ASH1L: variants seen among roughly 807,000 people sequenced by gnomAD.
ASH1L encodes the protein ASH1 like histone lysine methyltransferase.
In ASH1L, 23 loss-of-function variants were observed where a neutral mutation model predicts 269.0. The observed-to-expected ratio is 0.09, with a 90% confidence interval of 0.06 to 0.12. ASH1L has a LOEUF of 0.12. Among genes scored for constraint, ASH1L ranks in the 10% least tolerant of loss-of-function variants. ASH1L has a pLI of 1.00. For synonymous variants in ASH1L, 1,187 were observed against 1,253.5 expected, an observed-to-expected ratio of 0.95 and a Z score of 1.12; for missense variants, 2,912 against 3,567.8, an observed-to-expected ratio of 0.82 and a Z score of 4.68.
At chr1:155,398,671 T>C (rs1658566135) in intron 6 of ASH1L, among the ~76,000 whole-genome samples, 1 of 152,070 alleles carries the variant, frequency 6.6e-6, no homozygotes, top group Non-Finnish European at 1.5e-5. Flanking sequence ...GCCAAAATGC[T>C]AGGAAAGCTA....
At chr1:155,553,047 T>G (rs1430036945) in intron 1 of ASH1L, among the ~76,000 whole-genome samples, 1 of 152,198 alleles carries the variant, frequency 6.6e-6, no homozygotes, top group Non-Finnish European at 1.5e-5. Context: ...GTAAGTATTT[T>G]GCTCAAAATT....
At chr1:155,380,310 T>C (rs1249221429) in intron 7 of ASH1L, among the ~76,000 whole-genome samples, 194 bp from the exon 8 acceptor site, 1 of 152,172 alleles carries the variant, frequency 6.6e-6, no homozygotes, top group Non-Finnish European at 1.5e-5. Context: ...GCCGAAGATA[T>C]ATTTTAAGTA....
intron 3 of ASH1L, among the ~76,000 whole-genome samples, chr1:155,461,802 GTTTTTTTTT>G (rs398053426): frequency 7.9e-6 from 1 of 127,120 alleles, no homozygotes; most frequent in Admixed American, 8.2e-5. Flanking sequence ...GGGTTTGAGG[GTTTTTTTTT>G]TTTTTTTTTG....
intron 1 of ASH1L, among the ~76,000 whole-genome samples, chr1:155,553,668 CCA>C (rs1438202549): frequency 6.6e-6 from 1 of 152,180 alleles, no homozygotes; most frequent in Non-Finnish European, 1.5e-5. Flanking sequence ...TCCTTTCTCA[CCA>C]CAGATTGAAT....
intron 7 of ASH1L, among the ~76,000 whole-genome samples, chr1:155,386,836 G>A (rs540153416): frequency 2.3e-4 from 35 of 152,226 alleles, no homozygotes; most frequent in Non-Finnish European, 4.0e-4. Flanking sequence ...ATTTTGCTGC[G>A]CAGAAGTTCA....
intron 2 of ASH1L, among the ~76,000 whole-genome samples, chr1:155,516,385 A>T (rs1157706103): frequency 6.6e-6 from 1 of 152,204 alleles, no homozygotes; most frequent in Non-Finnish European, 1.5e-5. Flanking sequence ...AAAATACTGA[A>T]TTATCTCTGT....
intron 3 of ASH1L, among the ~76,000 whole-genome samples, chr1:155,465,289 CAAAAAAAAAAAA>C (rs1171228344): frequency 1.3e-4 from 8 of 62,576 alleles, no homozygotes; most frequent in Admixed American, 1.1e-3. Flanking sequence ...TACAAATTAG[CAAAAAAAAAAAA>C]AAAAAAAAAA....
intron 5 of ASH1L, chr1:155,434,228 T>C (rs1661889244): frequency 6.2e-7 from 1 of 1,601,142 alleles, no homozygotes. Context: ...CCCGTCTCCG[T>C]CACCACCCTG....
chr1:155,509,656 G>A lies in ASH1L; in HGVS notation c.420+11444C>T, dbSNP rs560438485. On this transcript the variant is annotated intron_variant, in intron 2 of 27. Transcript: ENST00000392403. ...TCTACTAAAAATACAAAAATTAGCT[G>A]GGCATGATGGTGTGTGTCTCTAATC... Among the ~76,000 whole-genome samples, 627 of 152,132 alleles carry A rather than the reference G, an allele frequency of 4.1e-3. 2 individuals are homozygous for A. Among genetic ancestry groups the A allele is most frequent in the Non-Finnish European group, 6.8e-3 (464 of 68,008 alleles).
intron 2 of ASH1L, among the ~76,000 whole-genome samples, chr1:155,500,771 C>A (rs1051670019): frequency 6.6e-6 from 1 of 152,078 alleles, no homozygotes; most frequent in Non-Finnish European, 1.5e-5. Context: ...GAGTTTGATA[C>A]CAAACTGGTC....
chr1:155,358,396 T>A (rs1220416996), intron 13 of ASH1L, among the ~76,000 whole-genome samples: 2 of 151,780 alleles, frequency 1.3e-5, no homozygotes, highest in Non-Finnish European at 2.9e-5. Context: ...TAAAAAAAAA[T>A]TTTAAAAAGG....
rs1304052162 is a variant in ASH1L at position 155,482,329 on chromosome 1, C to G, written c.541G>C (p.Val181Leu). 1 of 1,614,148 alleles carries G rather than the reference C, an allele frequency of 6.2e-7. No individual in the cohort carries two copies. The highest frequency in any genetic ancestry group is 1.1e-5 in the South Asian group (1 of 91,088). Residue 181 changes from valine to leucine, a missense_variant, in exon 3 of 28, where the codon GTA (valine) becomes CTA (leucine). Transcript: ENST00000392403. Reference sequence around the variant, plus strand: ...ATATAATCTGCCATTTCTGAGTGTACTGGAGACAGCTTCTTAGACAAAGGA... The same window carrying G: ...ATATAATCTGCCATTTCTGAGTGTAGTGGAGACAGCTTCTTAGACAAAGGA... Reference protein sequence around the residue: ...NNPLSKKLSPVHSEMADYINA... With the variant: ...NNPLSKKLSPLHSEMADYINA...
Position 155,479,414 on chromosome 1 carries a change from C to T in ASH1L, c.3456G>A (p.Lys1152=). 6.2e-7 allele frequency: 1 copy of T among 1,614,144 alleles called. No individual in the cohort carries two copies. Among genetic ancestry groups the T allele is most frequent in the Non-Finnish European group, 8.5e-7 (1 of 1,180,014 alleles). ...ACCGCCTCCTCCCCTTTGAGGCCTTCTTCATTGCAAGAGTCTGAATCATAC... is the reference window on the plus strand; with the variant it reads ...ACCGCCTCCTCCCCTTTGAGGCCTTTTTCATTGCAAGAGTCTGAATCATAC... ...QGSMIQTLAM[K]KASKGRRRLS... Residue 1152 remains lysine (K), a synonymous_variant, in exon 3 of 28, where the codon AAG becomes AAA. Transcript: ENST00000392403.
intron 2 of ASH1L, among the ~76,000 whole-genome samples, chr1:155,500,107 T>G (rs1667409107): frequency 6.6e-6 from 1 of 152,230 alleles, no homozygotes; most frequent in South Asian, 2.1e-4. Flanking sequence ...CAGAGCCCAA[T>G]GGCAGGGATT....
chr1:155,531,620 A>G lies in ASH1L; in HGVS notation c.-99-10002T>C, dbSNP rs542061018. ...AATAGCAGAGTACCAATAAACTGAA[A>G]AGAGATTTGAAAACATTTATTTCCC... On this transcript the variant is annotated intron_variant, in intron 1 of 27. Coordinates refer to ENST00000392403, the MANE Select transcript of ASH1L (RefSeq NM_018489.3). 2.0e-4 allele frequency among the ~76,000 whole-genome samples: 30 copies of G among 152,168 alleles called. No homozygotes were observed. The South Asian group carries it at 4.1e-3, about 21-fold the overall frequency.
chr1:155,540,471 A>G (rs1215495394), intron 1 of ASH1L, among the ~76,000 whole-genome samples: 2 of 151,702 alleles, frequency 1.3e-5, no homozygotes, highest in Non-Finnish European at 2.9e-5. Flanking sequence ...ACCACCACCA[A>G]AAAAAAGCAA....
At chr1:155,419,086 G>A (rs1260770514) in intron 5 of ASH1L, among the ~76,000 whole-genome samples, 1 of 150,328 alleles carries the variant, frequency 6.7e-6, no homozygotes, top group Non-Finnish European at 1.5e-5. Context: ...CAAAAAAGCA[G>A]CAGCTAAAGA....
chr1:155,340,537 A>G (rs764447538), intron 25 of ASH1L, among the ~76,000 whole-genome samples: 11 of 152,238 alleles, frequency 7.2e-5, no homozygotes, highest in Admixed American at 2.6e-4. Context: ...TGACAGGCCC[A>G]CTAAAAGAAG....
intron 7 of ASH1L, among the ~76,000 whole-genome samples, chr1:155,387,057 T>C (rs968544567): frequency 6.6e-6 from 1 of 151,752 alleles, no homozygotes; most frequent in African/African-American, 2.4e-5. Flanking sequence ...CAATGCAACC[T>C]CCACCTCCAG....
Sources: allele counts gnomAD v4.1 joint callset (sites outside exome capture counted in the v4.1 genomes callset), GRCh38; gene constraint gnomAD v4.1.1; transcripts MANE v1.5; gene names NCBI Gene and HGNC (gene_info 2026-07-23, HGNC 2026-07-21).